CDH13: variants seen among roughly 807,000 people sequenced by gnomAD.
The protein encoded by CDH13 is cadherin-13.
In CDH13, 24 loss-of-function variants were observed where a neutral mutation model predicts 63.8. That is an observed-to-expected ratio of 0.38 (90% CI 0.27 to 0.53). The LOEUF (loss-of-function observed/expected upper bound fraction) is 0.53, where lower values mean the gene tolerates loss of function less well. Among genes scored for constraint, CDH13 ranks in the 20% least tolerant of loss-of-function variants. The pLI, the probability that CDH13 is intolerant of heterozygous loss-of-function variation, is 0.85. For missense variants in CDH13, 1,049 were observed against 903.1 expected, an observed-to-expected ratio of 1.16 and a Z score of -2.07; for synonymous variants, 503 against 355.3, an observed-to-expected ratio of 1.42 and a Z score of -4.67.
intron 1 of CDH13, among the ~76,000 whole-genome samples, chr16:82,669,823 T>C (rs1913026829): frequency 6.6e-6 from 1 of 152,214 alleles, no homozygotes; most frequent in Admixed American, 6.5e-5. Context: ...TGAAGACAAA[T>C]GTCCTGATCT....
intron 5 of CDH13, among the ~76,000 whole-genome samples, chr16:83,320,670 G>T (rs2090203286): frequency 6.6e-6 from 1 of 152,124 alleles, no homozygotes; most frequent in Non-Finnish European, 1.5e-5. Flanking sequence ...CATCAGTGCT[G>T]CAAGTCAAAA....
chr16:82,944,171 C>T (rs772422511), intron 2 of CDH13, among the ~76,000 whole-genome samples: 33 of 152,242 alleles, frequency 2.2e-4, no homozygotes, highest in Non-Finnish European at 3.7e-4. Context: ...CAAGGCAAAC[C>T]ACACCTTTCT....
intron 2 of CDH13, among the ~76,000 whole-genome samples, chr16:82,962,342 A>C (rs1259686032): frequency 6.6e-6 from 1 of 152,142 alleles, no homozygotes; most frequent in Non-Finnish European, 1.5e-5. Context: ...TTTTTTAGAG[A>C]CTTCCAAAAA....
At chr16:83,627,197 G>A (rs909446627) in intron 8 of CDH13, among the ~76,000 whole-genome samples, 1 of 151,958 alleles carries the variant, frequency 6.6e-6, no homozygotes, top group Non-Finnish European at 1.5e-5. Context: ...GGCTGAGGCA[G>A]GAGAATTGCT....
intron 3 of CDH13, among the ~76,000 whole-genome samples, chr16:83,074,579 G>A (rs542701563): frequency 1.6e-4 from 25 of 152,168 alleles, no homozygotes; most frequent in Non-Finnish European, 2.6e-4. Context: ...TATCCATACT[G>A]TTTTCCATAA....
chr16:82,888,231 G>T (rs1051337284), intron 2 of CDH13, among the ~76,000 whole-genome samples: 1 of 152,134 alleles, frequency 6.6e-6, no homozygotes, highest in African/African-American at 2.4e-5. Context: ...TCAGACGGGC[G>T]CTCCCATTGC....
At chr16:82,705,087 T>A (rs1172896286) in intron 1 of CDH13, 1 of 455,664 alleles carries the variant, frequency 2.2e-6, no homozygotes. Context: ...ACCATATACC[T>A]ATGTCAAAAC....
intron 1 of CDH13, chr16:82,844,526 G>C (rs1423331497): frequency 6.7e-6 from 1 of 149,956 alleles, no homozygotes; most frequent in Non-Finnish European, 1.5e-5. Context: ...GCGTGAACCC[G>C]GGAGGCGGAG....
At chr16:82,752,249 T>G (rs2034446859) in intron 1 of CDH13, among the ~76,000 whole-genome samples, 1 of 152,210 alleles carries the variant, frequency 6.6e-6, no homozygotes, top group Non-Finnish European at 1.5e-5. Flanking sequence ...ATCGGAAATG[T>G]AATGGAACTA....
rs368541181 is a variant in CDH13, at chr16:83,220,157, C to T, written c.636+2660C>T. On this transcript the variant is annotated intron_variant, in intron 5 of 13. Coordinates refer to ENST00000567109, the MANE Select transcript of CDH13 (RefSeq NM_001257.5). ...CCTCCGTGCTTCATGCACTTCAGTT[C>T]GGTCATTGTCCTGTTTTCATCATAC... Among the ~76,000 whole-genome samples the T allele has an allele frequency of 1.4e-4, 22 of 152,278 alleles. No homozygotes were observed. In the South Asian group the frequency reaches 2.5e-3, roughly 17 times the overall value.
At chr16:83,061,764 C>T (rs1284169069) in intron 3 of CDH13, among the ~76,000 whole-genome samples, 3 of 152,318 alleles carry the variant, frequency 2.0e-5, no homozygotes, top group African/African-American at 7.2e-5. Flanking sequence ...AAAGAAGCCT[C>T]ACCCCAGATA....
chr16:82,709,114 C>T (rs1381785121), intron 1 of CDH13, among the ~76,000 whole-genome samples: 1 of 152,106 alleles, frequency 6.6e-6, no homozygotes, highest in Non-Finnish European at 1.5e-5. Context: ...ATGAACATAA[C>T]AATGGATATA....
At chr16:83,222,855 T>C (rs772690239) in intron 5 of CDH13, among the ~76,000 whole-genome samples, 3 of 152,242 alleles carry the variant, frequency 2.0e-5, no homozygotes, top group Non-Finnish European at 4.4e-5. Context: ...TATGAAACTA[T>C]TCTAGGGCAA....
intron 6 of CDH13, among the ~76,000 whole-genome samples, chr16:83,439,093 A>T (rs567527364): frequency 6.6e-6 from 1 of 152,224 alleles, no homozygotes; most frequent in Non-Finnish European, 1.5e-5. Flanking sequence ...TCCAATAGCT[A>T]TGTGATCTTG....
At chr16:83,698,983 A>G (rs530719140) in intron 10 of CDH13, among the ~76,000 whole-genome samples, 20 of 152,198 alleles carry the variant, frequency 1.3e-4, no homozygotes, top group Admixed American at 5.9e-4. Context: ...GTACACCCCT[A>G]CCAGCATTAT....
intron 2 of CDH13, among the ~76,000 whole-genome samples, chr16:82,987,499 C>G (rs1911092342): frequency 1.3e-5 from 2 of 152,174 alleles, no homozygotes; most frequent in South Asian, 4.1e-4. Flanking sequence ...GCCTCAGCCT[C>G]CTCTGTAGCT....
At chr16:83,564,012 T>G (rs777364944) in intron 7 of CDH13, among the ~76,000 whole-genome samples, 1 of 152,206 alleles carries the variant, frequency 6.6e-6, no homozygotes, top group Non-Finnish European at 1.5e-5. Flanking sequence ...AGTTTCTTCA[T>G]CTGCAAAATG....
At chr16:82,731,081 T>C (rs1365101914) in intron 1 of CDH13, among the ~76,000 whole-genome samples, 1 of 152,208 alleles carries the variant, frequency 6.6e-6, no homozygotes, top group African/African-American at 2.4e-5. Context: ...TGAAGTCACA[T>C]TGGCAGCTTG....
At chr16:82,801,776 T>G (rs1429348907) in intron 1 of CDH13, among the ~76,000 whole-genome samples, 1 of 152,244 alleles carries the variant, frequency 6.6e-6, no homozygotes, top group Non-Finnish European at 1.5e-5. Flanking sequence ...CTTGAACTGT[T>G]GAATCTATAC....
Sources: allele counts gnomAD v4.1 joint callset (sites outside exome capture counted in the v4.1 genomes callset), GRCh38; gene constraint gnomAD v4.1.1; transcripts MANE v1.5; gene names NCBI Gene and HGNC (gene_info 2026-07-23, HGNC 2026-07-21).